PSMA5: variants seen among roughly 807,000 people sequenced by gnomAD.
The protein encoded by PSMA5 is proteasome subunit alpha type-5.
PSMA5 carries 3 observed loss-of-function variants against 34.5 expected under a neutral mutation model. The observed-to-expected ratio is 0.09, with a 90% CI of 0.04 to 0.22. The LOEUF (loss-of-function observed/expected upper bound fraction) is 0.22, where lower values mean the gene tolerates loss of function less well. Ranked by LOEUF, PSMA5 falls within the 10% of genes least tolerant of loss-of-function variation. The pLI, the probability that PSMA5 is intolerant of heterozygous loss-of-function variation, is 1.00. For missense variants in PSMA5, 120 were observed against 286.1 expected (o/e 0.42, Z 4.19); for synonymous variants, 88 against 95.8 (o/e 0.92, Z 0.47).
At chr1:109,412,881 AACTGCAATG>A (rs1654054437) in intron 4 of PSMA5, 178 bp downstream of exon 4, 2 of 563,576 alleles carry the variant, frequency 3.5e-6, no homozygotes, top group Non-Finnish European at 6.3e-6. Flanking sequence ...GCCTCTTTAA[AACTGCAATG>A]ATTGGACAGC....
In PSMA5 at chr1:109,399,626, T is replaced by G. The variant is rs1418459898; in HGVS notation, c.*2387A>C. ...TGTTCCAATTATCTGTACCTTCACTTTTTAGTATGTTGCTTTTAGTTATCA... is the reference window on the plus strand; with the variant it reads ...TGTTCCAATTATCTGTACCTTCACTGTTTAGTATGTTGCTTTTAGTTATCA... On this transcript the variant is annotated 3_prime_UTR_variant, in exon 9 of 9. Coordinates refer to ENST00000271308, the MANE Select transcript of PSMA5 (RefSeq NM_002790.4). The G allele has an allele frequency of 6.6e-6, 1 of 152,232 alleles. No homozygotes were observed. The highest frequency in any genetic ancestry group is 2.4e-5 in the African/African-American group (1 of 41,462). The allele number at this position is 152,232 out of a possible 1,614,324, so 9.4% of individuals were successfully genotyped here.
chr1:109,412,497 C>CTAA (rs1654032063), intron 4 of PSMA5: 1 of 257,436 alleles, frequency 3.9e-6, no homozygotes, highest in East Asian at 8.0e-5. Flanking sequence ...AAGACTCTAG[C>CTAA]TTATTCTGTT....
rs780608499 is a variant in PSMA5, at chr1:109,402,037, A to T, written c.702T>A (p.Leu234=). The change falls in exon 9 of 9, where the codon CTT becomes CTA. Residue 234 remains leucine, a synonymous_variant. Coordinates refer to ENST00000271308, the MANE Select transcript of PSMA5 (RefSeq NM_002790.4). The part of the protein sequence containing the change: ...QNFHMFTKEE[L]EEVIKDI ...CTTAAATGTCCTTGATAACCTCTTCAAGTTCTTCCTTTGTGAACATGTGGA... is the reference window on the plus strand; with the variant it reads ...CTTAAATGTCCTTGATAACCTCTTCTAGTTCTTCCTTTGTGAACATGTGGA... The T allele has an allele frequency of 4.3e-6, 7 of 1,612,036 alleles. No individual in the cohort carries two copies. In the Admixed American group the frequency reaches 5.0e-5, roughly 12 times the overall value.
At chr1:109,416,059 C>T (rs965959323) in intron 2 of PSMA5, among the ~76,000 whole-genome samples, 2 of 152,064 alleles carry the variant, frequency 1.3e-5, no homozygotes, top group African/African-American at 2.4e-5. Flanking sequence ...ATGAGGATGA[C>T]AATAATAATA....
chr1:109,406,508 GGC>G (rs1347707669), intron 8 of PSMA5, among the ~76,000 whole-genome samples: 2 of 152,020 alleles, frequency 1.3e-5, no homozygotes, highest in Non-Finnish European at 2.9e-5. Flanking sequence ...GACCAGTCTG[GGC>G]AACACAGCAA....
Position 109,426,435 on chromosome 1 carries a change from A to T in PSMA5, c.-105T>A. 2 of 1,429,458 alleles carry T rather than the reference A, an allele frequency of 1.4e-6. No individual in the cohort carries two copies. Among genetic ancestry groups the T allele is most frequent in the Admixed American group, 1.7e-5 (1 of 59,400 alleles). 88.5% of individuals were successfully genotyped at this position (1,429,458 alleles called of 1,614,324 possible). A position where few individuals can be genotyped will look rare whatever the true frequency, so the allele number is the denominator to read the frequency against. On this transcript the variant is annotated 5_prime_UTR_variant, in exon 1 of 9. Coordinates refer to ENST00000271308, the MANE Select transcript of PSMA5 (RefSeq NM_002790.4). ...GCCAACTCACCCACACGGCCGCAGT[A>T]CTAAGGACCAACTGCGCGTGCGACC...
Position 109,412,145 on chromosome 1 carries a change from T to C in PSMA5, c.331A>G (p.Ser111Gly). 1 of 1,614,012 alleles carries C rather than the reference T, an allele frequency of 6.2e-7. No homozygotes were observed. The highest frequency in any genetic ancestry group is 8.5e-7 in the Non-Finnish European group (1 of 1,179,930). ...FTYNETMTVE[S>G]VTQAVSNLAL... Reference sequence around the variant, plus strand: ...AGATTGGACACAGCTTGGGTCACACTCTCCACTGTCATTGTCTCATTGTAG... The same window carrying C: ...AGATTGGACACAGCTTGGGTCACACCCTCCACTGTCATTGTCTCATTGTAG... Residue 111 changes from serine (S) to glycine (G), a missense_variant, in exon 5 of 9, where the codon AGT (serine) becomes GGT (glycine). Physicochemically the swap from Ser to Gly is moderately conservative, Grantham distance 56. Around this residue, in one of 3 missense-constraint regions of PSMA5, gnomAD observed 83 missense variants for 203.2 expected, o/e 0.41. Coordinates refer to ENST00000271308, the MANE Select transcript of PSMA5 (RefSeq NM_002790.4).
In PSMA5 at chr1:109,410,991, T is replaced by C; in HGVS notation, c.561+20A>G. 1 of 1,536,584 alleles carries C rather than the reference T, an allele frequency of 6.5e-7. No homozygotes were observed. Among genetic ancestry groups the C allele is most frequent in the Non-Finnish European group, 9.0e-7 (1 of 1,113,420 alleles). ...TACCATGATAAAAAAATAGTAAGAG[T>C]TGTGAGAATACTTAATTACCTTGTG... is the stretch of plus-strand genomic sequence containing the variant. On this transcript the variant is annotated intron_variant, in intron 7 of 8. Transcript: ENST00000271308.
rs1170302530 is a variant in PSMA5 at position 109,401,946 on chromosome 1, G to A, written c.*67C>T. 2.4e-6 allele frequency: 3 copies of A among 1,261,702 alleles called. No homozygotes were observed. Among genetic ancestry groups the A allele is most frequent in the Non-Finnish European group, 3.4e-6 (3 of 879,190 alleles). 78.2% of individuals were successfully genotyped at this position (1,261,702 alleles called of 1,614,324 possible). ...GAGATTTTCCAAGGAACAGGAGCTGGAAATAAAATTTAAGGACATTATTAG... is the reference window on the plus strand; with the variant it reads ...GAGATTTTCCAAGGAACAGGAGCTGAAAATAAAATTTAAGGACATTATTAG... On this transcript the variant is annotated 3_prime_UTR_variant, in exon 9 of 9. Coordinates refer to ENST00000271308, the MANE Select transcript of PSMA5 (RefSeq NM_002790.4).
chr1:109,410,092 C>G (rs979542151), intron 7 of PSMA5, 78 bp from the exon 8 acceptor site: 2 of 960,286 alleles, frequency 2.1e-6, no homozygotes, highest in Non-Finnish European at 3.2e-6. Context: ...CCCTTTATCT[C>G]ACTGAAAAAA....
chr1:109,404,310 CAAATAAAT>C (rs3060206), intron 8 of PSMA5, among the ~76,000 whole-genome samples: 136 of 151,788 alleles, frequency 9.0e-4, no homozygotes, highest in African/African-American at 3.1e-3. Context: ...GATCCTGTCT[CAAATAAAT>C]AAATAAATAA....
At chr1:109,411,291 C>T (rs1653980304) in intron 6 of PSMA5, among the ~76,000 whole-genome samples, 178 bp from the exon 7 acceptor site, 1 of 152,204 alleles carries the variant, frequency 6.6e-6, no homozygotes, top group African/African-American at 2.4e-5. Flanking sequence ...ATTTTAAAAA[C>T]TGTTTAAGAA....
intron 1 of PSMA5, chr1:109,425,491 T>C (rs1166342791): frequency 2.6e-5 from 4 of 152,152 alleles, no homozygotes; most frequent in African/African-American, 9.7e-5. Context: ...CTGCAGGTGG[T>C]AAAACTTCGA....
intron 2 of PSMA5, among the ~76,000 whole-genome samples, chr1:109,421,572 T>C (rs1654446381): frequency 6.6e-6 from 1 of 152,128 alleles, no homozygotes; most frequent in Non-Finnish European, 1.5e-5. Context: ...TCTGGACTTC[T>C]GTACCTCTCT....
Position 109,419,832 on chromosome 1 carries a change from C to T in PSMA5, c.96+2028G>A, listed in dbSNP as rs111977888. 8.0e-3 allele frequency among the ~76,000 whole-genome samples: 1,188 copies of T among 148,070 alleles called. 24 individuals are homozygous for T. The highest frequency in any genetic ancestry group is 0.029 in the African/African-American group (1,139 of 38,812). On this transcript the variant is annotated intron_variant, in intron 2 of 8. Coordinates refer to ENST00000271308, the MANE Select transcript of PSMA5 (RefSeq NM_002790.4). ...AAAAAAAAAAAAAAAAAACAAGCCG[C>T]GCATGGTTGTGCATAGCTGTAGTCC...
intron 2 of PSMA5, among the ~76,000 whole-genome samples, chr1:109,418,474 C>G (rs1013833499): frequency 5.3e-5 from 8 of 152,160 alleles, no homozygotes; most frequent in African/African-American, 1.9e-4. Flanking sequence ...CACTACTACA[C>G]TCAACTAATT....
At chr1:109,422,371 A>C (rs1360535636) in intron 1 of PSMA5, among the ~76,000 whole-genome samples, 3 of 151,890 alleles carry the variant, frequency 2.0e-5, no homozygotes, top group African/African-American at 7.3e-5. Flanking sequence ...CAATGCCCTC[A>C]TTACCTTTCA....
intron 1 of PSMA5, among the ~76,000 whole-genome samples, chr1:109,424,587 C>T (rs1055972685): frequency 6.6e-5 from 10 of 151,950 alleles, no homozygotes; most frequent in Non-Finnish European, 1.3e-4. Flanking sequence ...ACCAGCCTGG[C>T]CAAGATGAGG....
At chr1:109,421,586 T>C (rs1266646702) in intron 2 of PSMA5, among the ~76,000 whole-genome samples, 2 of 152,144 alleles carry the variant, frequency 1.3e-5, no homozygotes, top group Non-Finnish European at 2.9e-5. Flanking sequence ...CCTCTCTTTA[T>C]AGCTAAGAGG....
Sources: allele counts gnomAD v4.1 joint callset (sites outside exome capture counted in the v4.1 genomes callset), GRCh38; gene constraint gnomAD v4.1.1; regional missense constraint gnomAD v4.1.1; transcripts MANE v1.5; gene names NCBI Gene and HGNC (gene_info 2026-07-23, HGNC 2026-07-21).